The following PDK1 variants were observed in gnomAD, a reference collection of about 807,000 sequenced individuals.
PDK1 encodes [Pyruvate dehydrogenase (acetyl-transferring)] kinase isozyme 1, mitochondrial.
In PDK1, 39 loss-of-function variants were observed where a neutral mutation model predicts 54.2. The ratio of observed to expected loss-of-function variants is 0.72; its 90% CI spans 0.56 to 0.94. The LOEUF is 0.94. Among genes scored for constraint, PDK1 ranks in the 40% least tolerant of loss-of-function variants. The pLI is 0.00. For missense variants in PDK1, 552 were observed against 566.0 expected, an observed-to-expected ratio of 0.98 and a Z score of 0.25; for synonymous variants, 221 against 207.1, an observed-to-expected ratio of 1.07 and a Z score of -0.58.
chr2:172,618,301 A>C, the PDK1 span, among the ~76,000 whole-genome samples: 1 of 152,238 alleles, frequency 6.6e-6, no homozygotes, highest in African/African-American at 2.4e-5. Flanking sequence ...AGAAAAGTTA[A>C]AATTTTAGAA....
the PDK1 span, among the ~76,000 whole-genome samples, chr2:172,682,501 T>C: frequency 6.6e-6 from 1 of 152,126 alleles, no homozygotes; most frequent in Non-Finnish European, 1.5e-5. Context: ...TCCTCCACAG[T>C]GGAGAGTTGT....
the PDK1 span, among the ~76,000 whole-genome samples, chr2:172,613,884 G>A: frequency 6.6e-6 from 1 of 152,044 alleles, no homozygotes; most frequent in Non-Finnish European, 1.5e-5. Flanking sequence ...CAGGAGCCCC[G>A]CCCTCCTGGG....
At position 172,603,455 on chromosome 2, in the gene PDK1, C is replaced by G. The variant is rs1457314259; in HGVS notation, c.*7486C>G. ...ATTGGCTAATGCAAGGAAGTGATACCCATGTGTAATGCTTATCTTTGTATC... is the reference window on the plus strand; with the variant it reads ...ATTGGCTAATGCAAGGAAGTGATACGCATGTGTAATGCTTATCTTTGTATC... On this transcript the variant is annotated 3_prime_UTR_variant, in exon 11 of 11. Coordinates refer to ENST00000282077, the MANE Select transcript of PDK1 (RefSeq NM_002610.5). The G allele has an allele frequency of 6.6e-6, 1 of 152,130 alleles. No individual in the cohort carries two copies. Among genetic ancestry groups the G allele is most frequent in the African/African-American group, 2.4e-5 (1 of 41,414 alleles). 9.4% of individuals were successfully genotyped at this position (152,130 alleles called of 1,614,324 possible). A position where few individuals can be genotyped will look rare whatever the true frequency, so the allele number is the denominator to read the frequency against.
Position 172,556,340 on chromosome 2 carries a change from G to A in PDK1, c.190G>A (p.Asp64Asn). The change falls in exon 1 of 11, where the codon GAC becomes AAC. Residue 64 changes from aspartate (D) to asparagine (N), a missense_variant. Asp to Asn is a conservative substitution (Grantham distance 23). Transcript: ENST00000282077. Reference protein sequence around the residue: ...PSPLSMKQFLDFGSVNACEKT... With the variant: ...PSPLSMKQFLNFGSVNACEKT... Reference sequence around the variant, plus strand: ...CCCGCTCTCCATGAAGCAGTTCCTGGACTTCGGTGAGTGCGGCCCGGGACC... The same window carrying A: ...CCCGCTCTCCATGAAGCAGTTCCTGAACTTCGGTGAGTGCGGCCCGGGACC... 1.4e-6 allele frequency: 2 copies of A among 1,452,810 alleles called. No individual in the cohort carries two copies. Among genetic ancestry groups the A allele is most frequent in the Admixed American group, 2.8e-5 (1 of 35,106 alleles). 90.0% of individuals were successfully genotyped at this position (1,452,810 alleles called of 1,614,324 possible). A position where few individuals can be genotyped will look rare whatever the true frequency, so the allele number is the denominator to read the frequency against.
chr2:172,620,176 A>G, the PDK1 span, among the ~76,000 whole-genome samples: 2 of 152,200 alleles, frequency 1.3e-5, no homozygotes, highest in African/African-American at 4.8e-5. Context: ...AAACAAGCAA[A>G]GCAAAACTCA....
the PDK1 span, among the ~76,000 whole-genome samples, chr2:172,712,334 G>A: frequency 6.6e-6 from 1 of 152,210 alleles, no homozygotes; most frequent in Non-Finnish European, 1.5e-5. Flanking sequence ...AACCTCTGTG[G>A]CTGTCGGCAC....
chr2:172,564,540 A>G lies in PDK1; in HGVS notation c.448A>G (p.Asn150Asp), dbSNP rs201302851. 1 of 1,614,152 alleles carries G rather than the reference A, an allele frequency of 6.2e-7. No individual in the cohort carries two copies. The highest frequency in any genetic ancestry group is 1.7e-5 in the Admixed American group (1 of 60,030). Reference protein sequence around the residue: ...DTVIRIRNRHNDVIPTMAQGV... With the variant: ...DTVIRIRNRHDDVIPTMAQGV... ...TGTGATACGGATCAGAAACCGACAC[A>G]ATGATGTCATTCCCACAATGGCCCA... The change falls in exon 4 of 11, where the codon AAT becomes GAT. Residue 150 changes from asparagine (N) to aspartate (D), a missense_variant. Asn to Asp is a conservative substitution (Grantham distance 23, BLOSUM62 1). Coordinates refer to ENST00000282077, the MANE Select transcript of PDK1 (RefSeq NM_002610.5).
chr2:172,712,593 A>G, the PDK1 span, among the ~76,000 whole-genome samples: 1 of 152,176 alleles, frequency 6.6e-6, no homozygotes, highest in Non-Finnish European at 1.5e-5. Flanking sequence ...TGGTTGGACC[A>G]GGTGTACTGC....
chr2:172,716,328 G>A, the PDK1 span, among the ~76,000 whole-genome samples: 11 of 152,112 alleles, frequency 7.2e-5, no homozygotes, highest in African/African-American at 2.4e-4. Context: ...GATTAAGTTG[G>A]CCTAATTTTC....
rs1558964248 is a variant in PDK1, at chr2:172,600,686, G to GTGAGGAGGGGGCTCA, written c.*4728_*4742dup. Reference sequence around the variant, plus strand: ...TGTCAGGGTTTTTATAAATGGGCTAGTGAGGAGGGGGCTCATGAGGAGGGG... The same window carrying GTGAGGAGGGGGCTCA: ...TGTCAGGGTTTTTATAAATGGGCTAGTGAGGAGGGGGCTCATGAGGAGGGGGCTCATGAGGAGGGG... On this transcript the variant is annotated 3_prime_UTR_variant, in exon 11 of 11. Coordinates refer to ENST00000282077, the MANE Select transcript of PDK1 (RefSeq NM_002610.5). 1 of 152,314 alleles carries GTGAGGAGGGGGCTCA rather than the reference G, an allele frequency of 6.6e-6. No individual in the cohort carries two copies. The highest frequency in any genetic ancestry group is 2.4e-5 in the African/African-American group (1 of 41,450). The allele number at this position is 152,314 out of a possible 1,614,324, so 9.4% of individuals were successfully genotyped here.
chr2:172,608,914 T>C (rs373109760), downstream of PDK1, among the ~76,000 whole-genome samples: 9 of 152,334 alleles, frequency 5.9e-5, no homozygotes, highest in East Asian at 3.9e-4. Flanking sequence ...CTCAGGACGT[T>C]GGTAATTGGA....
At chr2:172,664,311 C>CAAAAAA in the PDK1 span, among the ~76,000 whole-genome samples, 1,814 of 44,032 alleles carry the variant, frequency 0.041, 512 homozygotes, top group Middle Eastern at 0.059. Context: ...AACTCTGCCT[C>CAAAAAA]AAAAAAAAAA....
the PDK1 span, among the ~76,000 whole-genome samples, chr2:172,618,613 C>T: frequency 6.6e-6 from 1 of 152,126 alleles, no homozygotes; most frequent in African/African-American, 2.4e-5. Context: ...ATGTTTGGAG[C>T]AGAATTATGA....
At chr2:172,656,019 T>C in the PDK1 span, among the ~76,000 whole-genome samples, 233 of 152,284 alleles carry the variant, frequency 1.5e-3, no homozygotes, top group Non-Finnish European at 2.9e-3. Context: ...TTTCCCTGGA[T>C]CTTTATAGTT....
the PDK1 span, among the ~76,000 whole-genome samples, chr2:172,617,036 A>G: frequency 6.6e-6 from 1 of 151,840 alleles, no homozygotes; most frequent in African/African-American, 2.4e-5. Context: ...TGCAACCTCC[A>G]CCTCCTGGGT....
At chr2:172,662,481 A>G in the PDK1 span, among the ~76,000 whole-genome samples, 4,554 of 56,386 alleles carry the variant, frequency 0.081, 124 homozygotes, top group African/African-American at 0.13. Flanking sequence ...TAAAGGGAAG[A>G]CTTTTTAAAA....
In PDK1 at chr2:172,585,822, G is replaced by A. The variant is rs565419908; in HGVS notation, c.946-456G>A. Among the ~76,000 whole-genome samples the A allele has an allele frequency of 8.5e-5, 13 of 152,160 alleles. No homozygotes were observed. The South Asian group carries it at 1.0e-3, about 12-fold the overall frequency. The stretch of plus-strand genomic sequence containing the variant: ...GAGGAGTTGGGTTGGGTTCAACAGC[G>A]AGGGAAATGCTTATATTGGCAACTT... On this transcript the variant is annotated intron_variant, in intron 8 of 10. Transcript: ENST00000282077.
At chr2:172,664,787 A>G in the PDK1 span, among the ~76,000 whole-genome samples, 1 of 151,498 alleles carries the variant, frequency 6.6e-6, no homozygotes, top group Non-Finnish European at 1.5e-5. Flanking sequence ...AGTGCCTCTT[A>G]CTAACTTTTA....
chr2:172,570,614 T>G, intron 7 of PDK1, 112 bp from the exon 8 acceptor site: 1 of 534,258 alleles, frequency 1.9e-6, no homozygotes, highest in Non-Finnish European at 3.3e-6. Flanking sequence ...TTGTGATTCT[T>G]TGGCATATTT....
Sources: gnomAD v4.1 joint callset for allele counts (sites outside exome capture counted in the v4.1 genomes callset) on GRCh38, gnomAD v4.1.1 for gene constraint, MANE v1.5 for transcripts, NCBI Gene and HGNC (gene_info 2026-07-23, HGNC 2026-07-21) for gene names.